Variants in TUSC3 observed in about 807,000 individuals in gnomAD.
The protein encoded by TUSC3 is dolichyl-diphosphooligosaccharide--protein glycosyltransferase subunit TUSC3.
TUSC3 carries 45 observed loss-of-function variants against 44.8 expected under a neutral mutation model. The ratio of observed to expected loss-of-function variants is 1.00; its 90% CI spans 0.79 to 1.29. The LOEUF is 1.29. Ranked by LOEUF, TUSC3 falls within the 50% of genes most tolerant of loss-of-function variation. TUSC3 has a pLI of 0.00. For synonymous variants in TUSC3, 212 were observed against 152.9 expected (o/e 1.39, Z -2.85); for missense variants, 519 against 437.9 (o/e 1.19, Z -1.65).
chr8:15,732,473 G>C (rs968345246), intron 7 of TUSC3, among the ~76,000 whole-genome samples: 1 of 151,896 alleles, frequency 6.6e-6, no homozygotes, highest in African/African-American at 2.4e-5. Context: ...TTAAACCTTT[G>C]TTTCTTTATA....
intron 6 of TUSC3, among the ~76,000 whole-genome samples, chr8:15,710,505 G>C (rs1342868946): frequency 2.1e-5 from 3 of 144,332 alleles, no homozygotes; most frequent in Admixed American, 6.9e-5. Flanking sequence ...CAGATTCATT[G>C]AATGGGCCAC....
At chr8:15,620,011 G>A (rs1009735302) in intron 1 of TUSC3, among the ~76,000 whole-genome samples, 2 of 152,154 alleles carry the variant, frequency 1.3e-5, no homozygotes, top group Non-Finnish European at 2.9e-5. Flanking sequence ...GCGATTTGCT[G>A]AGATTGCACC....
the TUSC3 span, among the ~76,000 whole-genome samples, chr8:15,805,574 C>G: frequency 1.3e-5 from 2 of 152,046 alleles, no homozygotes; most frequent in African/African-American, 4.8e-5. Flanking sequence ...TTTTCTATGC[C>G]TATTGAGATG....
chr8:15,464,235 G>A (rs972944711), intron 1 of TUSC3, among the ~76,000 whole-genome samples: 1 of 152,136 alleles, frequency 6.6e-6, no homozygotes, highest in Non-Finnish European at 1.5e-5. Flanking sequence ...ACTGCCAGCT[G>A]GATGGTTCTG....
At chr8:15,791,300 C>CAT in the TUSC3 span, among the ~76,000 whole-genome samples, 1 of 151,612 alleles carries the variant, frequency 6.6e-6, no homozygotes, top group Non-Finnish European at 1.5e-5. Context: ...AACACACACA[C>CAT]ACACAGGCAT....
At chr8:15,811,689 G>C in the TUSC3 span, among the ~76,000 whole-genome samples, 2 of 152,210 alleles carry the variant, frequency 1.3e-5, no homozygotes, top group Admixed American at 1.3e-4. Context: ...CAAATGAGGA[G>C]AGGGGTGAAG....
intron 1 of TUSC3, among the ~76,000 whole-genome samples, chr8:15,469,628 A>C (rs1399090195): frequency 6.6e-6 from 1 of 152,202 alleles, no homozygotes; most frequent in Non-Finnish European, 1.5e-5. Flanking sequence ...CATGTGATTC[A>C]ACAGTTATGC....
intron 1 of TUSC3, 43 bp from the exon 2 acceptor site, chr8:15,623,037 A>G: frequency 1.9e-6 from 3 of 1,592,862 alleles, no homozygotes; most frequent in Non-Finnish European, 2.6e-6. Context: ...AAACAAAAGG[A>G]CTTTGACTCT....
chr8:15,755,428 T>C (rs1811882943), intron 9 of TUSC3, among the ~76,000 whole-genome samples: 1 of 152,162 alleles, frequency 6.6e-6, no homozygotes, highest in Non-Finnish European at 1.5e-5. Context: ...AAGTTTTTCT[T>C]TACGCTAAAG....
chr8:15,627,991 C>T lies in TUSC3; in HGVS notation c.308+4742C>T, dbSNP rs180780080. 3.3e-3 allele frequency among the ~76,000 whole-genome samples: 508 copies of T among 152,270 alleles called. 4 individuals are homozygous for T. Among genetic ancestry groups the T allele is most frequent in the African/African-American group, 0.012 (494 of 41,538 alleles). On this transcript the variant is annotated intron_variant, in intron 2 of 10. Transcript: ENST00000503731. ...GAGGTTTCCATCTGGCGAAGCGACA[C>T]CCCAAGGATCCCGTAACATTAAGGG... is the stretch of plus-strand genomic sequence containing the variant.
intron 1 of TUSC3, among the ~76,000 whole-genome samples, chr8:15,479,963 C>G (rs1210073929): frequency 1.3e-5 from 2 of 152,104 alleles, no homozygotes; most frequent in African/African-American, 2.4e-5. Flanking sequence ...TCTCAGGATA[C>G]AAAATCAGTG....
intron 1 of TUSC3, among the ~76,000 whole-genome samples, chr8:15,545,408 C>A (rs1377853652): frequency 6.6e-6 from 1 of 151,528 alleles, no homozygotes; most frequent in Admixed American, 6.6e-5. Flanking sequence ...CTTCTTTGAC[C>A]TCTTCTCTAA....
intron 1 of TUSC3, among the ~76,000 whole-genome samples, chr8:15,554,168 A>G (rs1173048579): frequency 6.6e-6 from 1 of 151,060 alleles, no homozygotes; most frequent in Non-Finnish European, 1.5e-5. Flanking sequence ...TTCAAACCCC[A>G]CCTTCCTTGT....
chr8:15,661,392 C>G (rs1299613025), intron 4 of TUSC3, among the ~76,000 whole-genome samples: 1 of 151,976 alleles, frequency 6.6e-6, no homozygotes, highest in African/African-American at 2.4e-5. Context: ...AAAACATTGA[C>G]ACTTTGAAGA....
chr8:15,800,401 C>T, the TUSC3 span, among the ~76,000 whole-genome samples: 1 of 151,854 alleles, frequency 6.6e-6, no homozygotes, highest in Non-Finnish European at 1.5e-5. Flanking sequence ...AGTGAAAACC[C>T]GTATCTACAA....
rs528810547 is a variant in TUSC3 at position 15,491,859 on chromosome 8, G to A, written n.189+8376G>A. ...TTTGATGACAACATTCCATATGTTAGACTCTCTCCTAAGTAGTTTTTAATG... is the reference window on the plus strand; with the variant it reads ...TTTGATGACAACATTCCATATGTTAAACTCTCTCCTAAGTAGTTTTTAATG... On this transcript the variant is annotated intron_variant and non_coding_transcript_variant, in intron 2 of 5. Transcript: ENST00000503191. Among the ~76,000 whole-genome samples the A allele has an allele frequency of 2.6e-5, 4 of 152,298 alleles. No individual in the cohort carries two copies. In the South Asian group the frequency reaches 6.2e-4, roughly 24 times the overall value.
the TUSC3 span, among the ~76,000 whole-genome samples, chr8:15,800,454 T>G: frequency 4.6e-5 from 7 of 151,892 alleles, no homozygotes; most frequent in African/African-American, 1.7e-4. Flanking sequence ...ATGCCTATAG[T>G]CTCAGCTACT....
At chr8:15,557,479 C>T (rs1241707848) in intron 1 of TUSC3, among the ~76,000 whole-genome samples, 4 of 49,530 alleles carry the variant, frequency 8.1e-5, no homozygotes, top group Admixed American at 5.0e-4. Flanking sequence ...ATTGACTTGG[C>T]GATGCGGGCT....
chr8:15,478,450 C>G (rs1045368411), intron 1 of TUSC3, among the ~76,000 whole-genome samples: 4 of 152,094 alleles, frequency 2.6e-5, no homozygotes, highest in African/African-American at 9.7e-5. Flanking sequence ...CCAAGAGGCC[C>G]CAATGTGTGT....
Sources: allele counts gnomAD v4.1 joint callset (sites outside exome capture counted in the v4.1 genomes callset), GRCh38; gene constraint gnomAD v4.1.1; transcripts MANE v1.5; gene names NCBI Gene and HGNC (gene_info 2026-07-23, HGNC 2026-07-21).